WDR7: variants seen among roughly 807,000 people sequenced by gnomAD.
WDR7 encodes WD repeat-containing protein 7.
A neutral mutation model predicts 169.4 loss-of-function variants in WDR7; 46 were observed. That is an observed-to-expected ratio of 0.27 (90% CI 0.21 to 0.35). The LOEUF (loss-of-function observed/expected upper bound fraction) is 0.35, where lower values mean the gene tolerates loss of function less well. Ranked by LOEUF, WDR7 falls within the 10% of genes least tolerant of loss-of-function variation. WDR7 has a pLI of 1.00. For missense variants in WDR7, 1,534 were observed against 1,859.3 expected (o/e 0.83, Z 3.22); for synonymous variants, 612 against 666.8 (o/e 0.92, Z 1.27).
Position 56,753,608 on chromosome 18 carries a change from C to T in WDR7, c.1990-2975C>T, listed in dbSNP as rs1452574894. On this transcript the variant is annotated intron_variant, in intron 14 of 27. Transcript: ENST00000254442. ...CTTTCTCCCACCCCCCTCCCCCCACCAAATTTACTGGGGGACAACTGACAA... is the reference window on the plus strand; with the variant it reads ...CTTTCTCCCACCCCCCTCCCCCCACTAAATTTACTGGGGGACAACTGACAA... Among the ~76,000 whole-genome samples, 5 of 134,858 alleles carry T rather than the reference C, an allele frequency of 3.7e-5. No homozygotes were observed. The East Asian group carries it at 1.3e-3, about 36-fold the overall frequency. The allele number at this position is 134,858 out of a possible 152,430, so 88.5% of individuals were successfully genotyped here. A position where few individuals can be genotyped will look rare whatever the true frequency, so the allele number is the denominator to read the frequency against.
At chr18:56,925,546 G>C (rs1311639805) in intron 22 of WDR7, among the ~76,000 whole-genome samples, 1 of 152,068 alleles carries the variant, frequency 6.6e-6, no homozygotes, top group Non-Finnish European at 1.5e-5. Context: ...TCAATGAATG[G>C]TGTTTCATTC....
At chr18:56,969,012 T>A (rs2047448483) in intron 26 of WDR7, among the ~76,000 whole-genome samples, 1 of 152,226 alleles carries the variant, frequency 6.6e-6, no homozygotes, top group African/African-American at 2.4e-5. Context: ...TTATTCTCTG[T>A]AAGCAGGTAA....
At chr18:56,651,754 A>G (rs1169109039) in intron 1 of WDR7, 178 bp downstream of exon 1, 1 of 152,326 alleles carries the variant, frequency 6.6e-6, no homozygotes, top group Non-Finnish European at 1.5e-5. Flanking sequence ...CGCCGTTACC[A>G]AGAGCGTGGG....
At chr18:56,915,794 C>T (rs1599154593) in intron 21 of WDR7, among the ~76,000 whole-genome samples, 1 of 152,174 alleles carries the variant, frequency 6.6e-6, no homozygotes, top group Non-Finnish European at 1.5e-5. Context: ...TGGTTTGACT[C>T]GTTTTAATTT....
intron 26 of WDR7, among the ~76,000 whole-genome samples, chr18:57,016,955 A>G (rs937512686): frequency 6.6e-6 from 1 of 152,228 alleles, no homozygotes; most frequent in Non-Finnish European, 1.5e-5. Flanking sequence ...TTCGCATATA[A>G]AAAGTCTACC....
intron 19 of WDR7, among the ~76,000 whole-genome samples, chr18:56,803,815 T>C (rs2044719922): frequency 6.6e-6 from 1 of 152,208 alleles, no homozygotes; most frequent in Non-Finnish European, 1.5e-5. Flanking sequence ...ATTAATTAAT[T>C]TTTTGAGACA....
chr18:56,798,771 T>C (rs893217749), intron 19 of WDR7, among the ~76,000 whole-genome samples: 7 of 152,208 alleles, frequency 4.6e-5, no homozygotes, highest in African/African-American at 1.2e-4. Flanking sequence ...ATTTGTATTA[T>C]AGACTTTTTG....
intron 26 of WDR7, among the ~76,000 whole-genome samples, chr18:56,988,631 GTGTGTA>G (rs1300885836): frequency 1.5e-5 from 2 of 132,054 alleles, no homozygotes; most frequent in African/African-American, 2.7e-5. Context: ...GTGTGTGTGT[GTGTGTA>G]TAGAGTCGTC....
Position 56,694,605 on chromosome 18 carries a change from AC to A in WDR7, c.967-13del. ...AAAATACAGCTAAAGATATTCAAATACTTTTTTTGGCAGTTGCTAATTTGTC... is the reference window on the plus strand; with the variant it reads ...AAAATACAGCTAAAGATATTCAAATATTTTTTTGGCAGTTGCTAATTTGTC... On this transcript the variant is annotated splice_polypyrimidine_tract_variant and intron_variant, in intron 9 of 27. Coordinates refer to ENST00000254442, the MANE Select transcript of WDR7 (RefSeq NM_015285.3). 11 of 1,597,040 alleles carry A rather than the reference AC, an allele frequency of 6.9e-6. No individual in the cohort carries two copies. The highest frequency in any genetic ancestry group is 1.1e-5 in the South Asian group (1 of 88,610).
intron 19 of WDR7, among the ~76,000 whole-genome samples, chr18:56,794,304 A>ATTTTTTATTTTTTTTTTTT (rs2044543989): frequency 2.0e-5 from 1 of 49,466 alleles, no homozygotes; most frequent in African/African-American, 6.6e-5. Context: ...GGTAAAGTCT[A>ATTTTTTATTTTTTTTTTTT]TTTTTTTTTT....
chr18:56,921,912 C>G (rs779126561), intron 21 of WDR7, among the ~76,000 whole-genome samples: 17 of 152,162 alleles, frequency 1.1e-4, no homozygotes, highest in Non-Finnish European at 1.9e-4. Context: ...ATGCTCCCAT[C>G]TGTAATGAAT....
rs2044319020 is a variant in WDR7 at position 56,781,610 on chromosome 18, T to G, written c.3144T>G (p.Asp1048Glu). 8 of 1,612,942 alleles carry G rather than the reference T, an allele frequency of 5.0e-6. No homozygotes were observed. Among genetic ancestry groups the G allele is most frequent in the Non-Finnish European group, 6.8e-6 (8 of 1,179,466 alleles). The change falls in exon 19 of 28, where the codon GAT becomes GAG. Residue 1048 changes from aspartate (D) to glutamate (E), a missense_variant. Coordinates refer to ENST00000254442, the MANE Select transcript of WDR7 (RefSeq NM_015285.3). ...IEQAGRKEAI[D>E]AWAPYLPQYI... ...AGGCAGGCAGGAAGGAAGCCATTGA[T>G]GCCTGGGCTCCTTACTTACCTCAGT... is the stretch of plus-strand genomic sequence containing the variant.
intron 19 of WDR7, among the ~76,000 whole-genome samples, chr18:56,788,722 C>CT (rs1027797471): frequency 9.7e-4 from 148 of 152,206 alleles, no homozygotes; most frequent in African/African-American, 3.3e-3. Context: ...TAAAATACCC[C>CT]TTTTGTAATG....
intron 16 of WDR7, among the ~76,000 whole-genome samples, chr18:56,773,343 G>GTTT (rs34599349): frequency 6.7e-6 from 1 of 148,452 alleles, no homozygotes; most frequent in African/African-American, 2.4e-5. Context: ...TTAAAGAGAA[G>GTTT]TTTTTTTTTT....
chr18:56,978,365 A>T (rs557816603), intron 26 of WDR7, among the ~76,000 whole-genome samples: 13 of 152,178 alleles, frequency 8.5e-5, no homozygotes, highest in African/African-American at 3.1e-4. Context: ...GTAACCATGC[A>T]TGCATTCATT....
chr18:56,924,640 A>G (rs8094838), intron 22 of WDR7, among the ~76,000 whole-genome samples: 131,492 of 152,212 alleles, frequency 0.86, 57,020 homozygotes, highest in East Asian at 0.98. Flanking sequence ...GCTAAAGTCA[A>G]ATAGGTGGGA....
intron 12 of WDR7, among the ~76,000 whole-genome samples, chr18:56,715,561 C>T (rs1013322641): frequency 6.6e-6 from 1 of 151,958 alleles, no homozygotes; most frequent in East Asian, 1.9e-4. Flanking sequence ...TGGCCAGGCG[C>T]GGTGGTTCAT....
chr18:56,792,266 TCTTGA>T (rs2044500809), intron 19 of WDR7, among the ~76,000 whole-genome samples: 1 of 152,140 alleles, frequency 6.6e-6, no homozygotes, highest in Non-Finnish European at 1.5e-5. Context: ...GATCCTCCCT[TCTTGA>T]CTTCTCAAAG....
At chr18:56,855,508 C>T (rs1279521566) in intron 20 of WDR7, among the ~76,000 whole-genome samples, 2 of 152,072 alleles carry the variant, frequency 1.3e-5, no homozygotes, top group Non-Finnish European at 2.9e-5. Flanking sequence ...TAAAGTTTTC[C>T]TACAGACATA....
Sources: allele counts gnomAD v4.1 joint callset (sites outside exome capture counted in the v4.1 genomes callset), GRCh38; gene constraint gnomAD v4.1.1; transcripts MANE v1.5; gene names NCBI Gene and HGNC (gene_info 2026-07-23, HGNC 2026-07-21).